Variants in MAF observed in about 807,000 individuals in gnomAD.
MAF encodes transcription factor Maf.
Under a neutral mutation model 22.0 loss-of-function variants are expected in MAF, and 10 were observed. The observed-to-expected ratio is 0.45, with a 90% CI of 0.28 to 0.77. The LOEUF is 0.77. Ranked by LOEUF, MAF falls within the 30% of genes least tolerant of loss-of-function variation. The pLI is 0.12. For synonymous variants in MAF, 337 were observed against 255.8 expected (o/e 1.32, Z -3.03); for missense variants, 544 against 548.4 (o/e 0.99, Z 0.08).
At chr16:79,207,392 C>T in the MAF span, among the ~76,000 whole-genome samples, 6 of 152,242 alleles carry the variant, frequency 3.9e-5, no homozygotes, top group Non-Finnish European at 8.8e-5. Flanking sequence ...GGACGTTAGT[C>T]ATGGGAACAC....
At chr16:79,244,284 T>C in the MAF span, among the ~76,000 whole-genome samples, 4 of 152,160 alleles carry the variant, frequency 2.6e-5, no homozygotes, top group African/African-American at 7.2e-5. Flanking sequence ...TTGTCTCTGT[T>C]TGCAGATGAC....
At chr16:79,326,757 G>A in the MAF span, among the ~76,000 whole-genome samples, 1 of 152,174 alleles carries the variant, frequency 6.6e-6, no homozygotes, top group African/African-American at 2.4e-5. Context: ...GTGGATGAAG[G>A]CTGCATTTGG....
At chr16:79,393,935 T>C in the MAF span, among the ~76,000 whole-genome samples, 1 of 152,232 alleles carries the variant, frequency 6.6e-6, no homozygotes, top group Non-Finnish European at 1.5e-5. Flanking sequence ...AGTATTTCCA[T>C]GTGCCAGGTA....
the MAF span, among the ~76,000 whole-genome samples, chr16:79,420,650 C>A: frequency 6.6e-6 from 1 of 152,240 alleles, no homozygotes; most frequent in Non-Finnish European, 1.5e-5. Context: ...TGTTGCTCGG[C>A]AGTGCCCCCT....
chr16:79,560,059 C>G, the MAF span, among the ~76,000 whole-genome samples: 1 of 152,128 alleles, frequency 6.6e-6, no homozygotes, highest in Non-Finnish European at 1.5e-5. Flanking sequence ...CATGGGCCAC[C>G]ATGTGTGGCT....
At chr16:79,455,720 A>G in the MAF span, among the ~76,000 whole-genome samples, 1 of 152,214 alleles carries the variant, frequency 6.6e-6, no homozygotes. Context: ...TATTTTTAGC[A>G]ATAAAAACAA....
the MAF span, among the ~76,000 whole-genome samples, chr16:79,376,588 A>G: frequency 2.0e-5 from 3 of 152,100 alleles, no homozygotes; most frequent in Non-Finnish European, 4.4e-5. Flanking sequence ...CAGGTTTGTT[A>G]CATATGTATA....
At chr16:79,249,707 A>G in the MAF span, among the ~76,000 whole-genome samples, 1 of 151,988 alleles carries the variant, frequency 6.6e-6, no homozygotes, top group African/African-American at 2.4e-5. Flanking sequence ...TAGCTTAAAA[A>G]TCTCTTCAGA....
At chr16:79,214,639 T>C in the MAF span, among the ~76,000 whole-genome samples, 11 of 151,064 alleles carry the variant, frequency 7.3e-5, no homozygotes, top group South Asian at 1.3e-3. Flanking sequence ...ACTCCTGACC[T>C]TGTGATCTGC....
At chr16:79,251,529 T>A in the MAF span, among the ~76,000 whole-genome samples, 2 of 152,044 alleles carry the variant, frequency 1.3e-5, no homozygotes, top group African/African-American at 4.8e-5. Context: ...GTTGGTCAGG[T>A]TGGTCTCGAA....
the MAF span, among the ~76,000 whole-genome samples, chr16:79,246,818 G>C: frequency 7.4e-5 from 11 of 149,578 alleles, no homozygotes; most frequent in African/African-American, 2.7e-4. Flanking sequence ...AATTGTTTGT[G>C]TCCATCTGTC....
the MAF span, among the ~76,000 whole-genome samples, chr16:79,580,387 G>T: frequency 6.6e-6 from 1 of 152,206 alleles, no homozygotes; most frequent in Non-Finnish European, 1.5e-5. Context: ...AACTGCACAT[G>T]CTGACTAGAA....
At chr16:79,509,455 C>T in the MAF span, among the ~76,000 whole-genome samples, 1 of 152,234 alleles carries the variant, frequency 6.6e-6, no homozygotes, top group African/African-American at 2.4e-5. Flanking sequence ...AATGTTTACA[C>T]AGCTTGGCTG....
the MAF span, among the ~76,000 whole-genome samples, chr16:79,559,006 T>C: frequency 2.0e-5 from 3 of 152,346 alleles, no homozygotes; most frequent in African/African-American, 7.2e-5. Flanking sequence ...ACCCCTTACC[T>C]AGGATGTGTC....
chr16:79,490,768 C>A, the MAF span, among the ~76,000 whole-genome samples: 1 of 152,106 alleles, frequency 6.6e-6, no homozygotes, highest in African/African-American at 2.4e-5. Flanking sequence ...GTACTGAGAA[C>A]AAAACAGTGA....
the MAF span, among the ~76,000 whole-genome samples, chr16:79,528,712 T>C: frequency 2.2e-3 from 342 of 152,038 alleles, 1 homozygote; most frequent in African/African-American, 7.4e-3. Flanking sequence ...TCTTACTATA[T>C]TAGGGCTATT....
At position 79,599,801 on chromosome 16, in the gene MAF, C is replaced by T. The variant is rs746855304; in HGVS notation, c.102G>A (p.Lys34=). Reference sequence around the variant, plus strand: ...TGATGCGGTCGGTCTCCACCGGTTCCTTTTTCACTTCAAACTTCATCAGAT... The same window carrying T: ...TGATGCGGTCGGTCTCCACCGGTTCTTTTTTCACTTCAAACTTCATCAGAT... ...DFDLMKFEVK[K]EPVETDRIIS... is the part of the protein sequence containing the mutation. The change falls in exon 1 of 2, where the codon AAG becomes AAA. Residue 34 remains lysine (K), a synonymous_variant. Coordinates refer to ENST00000326043, the MANE Select transcript of MAF (RefSeq NM_005360.5). 8 of 1,612,924 alleles carry T rather than the reference C, an allele frequency of 5.0e-6. No homozygotes were observed. Among genetic ancestry groups the T allele is most frequent in the Non-Finnish European group, 6.8e-6 (8 of 1,179,950 alleles).
At chr16:79,493,519 G>C in the MAF span, among the ~76,000 whole-genome samples, 4 of 152,070 alleles carry the variant, frequency 2.6e-5, no homozygotes, top group African/African-American at 9.7e-5. Flanking sequence ...TTACCATGTT[G>C]GCCAGGCTGC....
the MAF span, among the ~76,000 whole-genome samples, chr16:79,208,396 G>T: frequency 6.7e-6 from 1 of 149,860 alleles, no homozygotes; most frequent in Non-Finnish European, 1.5e-5. Flanking sequence ...AAAAAAAATC[G>T]TTTAGGGGAA....
Sources: allele counts gnomAD v4.1 joint callset (sites outside exome capture counted in the v4.1 genomes callset), GRCh38; gene constraint gnomAD v4.1.1; transcripts MANE v1.5; gene names NCBI Gene and HGNC (gene_info 2026-07-23, HGNC 2026-07-21).